The following AGBL4 variants were observed in gnomAD, a reference collection of about 807,000 sequenced individuals.
AGBL4 encodes cytosolic carboxypeptidase 6.
In AGBL4, 58 loss-of-function variants were observed where a neutral mutation model predicts 66.4. The observed-to-expected ratio is 0.87, with a 90% CI of 0.71 to 1.09. AGBL4 has a LOEUF of 1.09. AGBL4 is among the 50% of genes least tolerant of loss of function. The pLI is 0.00. For missense variants in AGBL4, 579 were observed against 631.0 expected (o/e 0.92, Z 0.88); for synonymous variants, 234 against 222.9 (o/e 1.05, Z -0.44).
chr1:49,469,350 G>C (rs1406700887), intron 3 of AGBL4, among the ~76,000 whole-genome samples: 1 of 151,466 alleles, frequency 6.6e-6, no homozygotes, highest in Non-Finnish European at 1.5e-5. Flanking sequence ...CAACATTTGG[G>C]ATTATGGTGT....
intron 5 of AGBL4, among the ~76,000 whole-genome samples, chr1:48,936,261 T>C (rs1655468169): frequency 6.6e-6 from 1 of 152,142 alleles, no homozygotes; most frequent in African/African-American, 2.4e-5. Flanking sequence ...ATATCCTGAC[T>C]ATGAAGAAAA....
intron 2 of AGBL4, among the ~76,000 whole-genome samples, chr1:49,801,074 T>C (rs1644849594): frequency 6.6e-6 from 1 of 152,134 alleles, no homozygotes; most frequent in African/African-American, 2.4e-5. Context: ...GGTGTGACAT[T>C]TATGCAGCCA....
chr1:48,920,676 A>G (rs781771107), intron 5 of AGBL4, among the ~76,000 whole-genome samples: 2 of 152,158 alleles, frequency 1.3e-5, no homozygotes, highest in Non-Finnish European at 2.9e-5. Context: ...GGTCACGTAG[A>G]CCTGCCTGAC....
At chr1:49,174,175 A>T (rs940923040) in intron 4 of AGBL4, among the ~76,000 whole-genome samples, 43 of 152,184 alleles carry the variant, frequency 2.8e-4, no homozygotes, top group African/African-American at 1.0e-3. Context: ...TAATTTTTTT[A>T]AAGTTGAAAC....
intron 6 of AGBL4, among the ~76,000 whole-genome samples, chr1:48,665,002 G>A (rs1464704918): frequency 6.6e-6 from 1 of 152,164 alleles, no homozygotes; most frequent in African/African-American, 2.4e-5. Flanking sequence ...TCTGAACGTG[G>A]TTCTTTATCC....
At chr1:49,905,445 AGTCAAAC>A (rs1392449477) in intron 1 of AGBL4, among the ~76,000 whole-genome samples, 2 of 152,332 alleles carry the variant, frequency 1.3e-5, no homozygotes, top group Non-Finnish European at 2.9e-5. Flanking sequence ...ACATGAAGCA[AGTCAAAC>A]CCTTCCCTTG....
chr1:48,759,298 C>T (rs531139897), intron 6 of AGBL4: 31 of 1,550,140 alleles, frequency 2.0e-5, no homozygotes, highest in Middle Eastern at 1.7e-4. Context: ...TGTAGGACAA[C>T]GAGAATCAGT....
At chr1:49,584,853 A>G (rs1404420548) in intron 3 of AGBL4, among the ~76,000 whole-genome samples, 3 of 152,150 alleles carry the variant, frequency 2.0e-5, no homozygotes, top group Non-Finnish European at 1.5e-5. Flanking sequence ...TGTTATTTCT[A>G]TTCCAAATAT....
At chr1:48,583,592 G>T (rs1644771317) in intron 11 of AGBL4, among the ~76,000 whole-genome samples, 1 of 152,130 alleles carries the variant, frequency 6.6e-6, no homozygotes, top group African/African-American at 2.4e-5. Context: ...AAGTGTGAAG[G>T]TCCTTGGTCC....
At chr1:49,182,695 CA>C (rs1174047287) in intron 4 of AGBL4, among the ~76,000 whole-genome samples, 1 of 149,508 alleles carries the variant, frequency 6.7e-6, no homozygotes, top group Non-Finnish European at 1.5e-5. Context: ...TTTTTTTTTT[CA>C]TCATCCAGTC....
chr1:48,947,544 TC>T (rs1656616397), intron 5 of AGBL4, among the ~76,000 whole-genome samples: 1 of 152,194 alleles, frequency 6.6e-6, no homozygotes, highest in Non-Finnish European at 1.5e-5. Context: ...TGTTCCATCC[TC>T]TCCTGTTTTT....
At chr1:48,557,321 T>C (rs895212208) in intron 11 of AGBL4, among the ~76,000 whole-genome samples, 9 of 152,102 alleles carry the variant, frequency 5.9e-5, no homozygotes, top group Non-Finnish European at 8.8e-5. Context: ...AGAGGAGAAA[T>C]GGAGGTCATT....
chr1:48,558,334 ATTTGTCTTGC>A (rs1644351261), intron 11 of AGBL4, among the ~76,000 whole-genome samples: 1 of 152,192 alleles, frequency 6.6e-6, no homozygotes, highest in Non-Finnish European at 1.5e-5. Context: ...AAAAGTGGAC[ATTTGTCTTGC>A]TTTGTCTTGT....
chr1:49,511,743 T>G lies in AGBL4; in HGVS notation c.282+185570A>C, dbSNP rs191214998. On this transcript the variant is annotated intron_variant, in intron 3 of 13. Transcript: ENST00000371839. ...GGAGAAAATACCAAGTCAGAAGACTTGGATTCCAATCACAAACCTGCTACT... is the reference window on the plus strand; with the variant it reads ...GGAGAAAATACCAAGTCAGAAGACTGGGATTCCAATCACAAACCTGCTACT... Among the ~76,000 whole-genome samples, 515 of 151,926 alleles carry G rather than the reference T, an allele frequency of 3.4e-3. 1 individual carries two copies. Among genetic ancestry groups the G allele is most frequent in the African/African-American group, 0.012 (485 of 41,490 alleles).
chr1:49,085,661 C>A (rs1039553851), intron 4 of AGBL4, among the ~76,000 whole-genome samples: 4 of 151,762 alleles, frequency 2.6e-5, no homozygotes, highest in African/African-American at 9.7e-5. Context: ...CAGAGAATAG[C>A]GAATCTGGTT....
intron 2 of AGBL4, among the ~76,000 whole-genome samples, chr1:49,837,213 C>G (rs1645874390): frequency 6.6e-6 from 1 of 152,164 alleles, no homozygotes. Context: ...ATCTATAAGC[C>G]CCTGACTGGG....
chr1:48,557,841 G>A (rs1644343493), intron 11 of AGBL4, among the ~76,000 whole-genome samples: 1 of 152,118 alleles, frequency 6.6e-6, no homozygotes, highest in African/African-American at 2.4e-5. Context: ...CACAGCTCAG[G>A]AGCCACCAGA....
chr1:48,577,151 G>GA (rs1438230319), intron 11 of AGBL4, among the ~76,000 whole-genome samples: 1 of 152,196 alleles, frequency 6.6e-6, no homozygotes, highest in Non-Finnish European at 1.5e-5. Flanking sequence ...GCCTAAACCT[G>GA]AAACTGGTTG....
intron 5 of AGBL4, among the ~76,000 whole-genome samples, chr1:49,040,978 G>C (rs1643925452): frequency 6.6e-6 from 1 of 152,162 alleles, no homozygotes; most frequent in South Asian, 2.1e-4. Context: ...TCTTTCTCAT[G>C]ATGTCCTTAT....
Sources: gnomAD v4.1 joint callset for allele counts (sites outside exome capture counted in the v4.1 genomes callset) on GRCh38, gnomAD v4.1.1 for gene constraint, MANE v1.5 for transcripts, NCBI Gene and HGNC (gene_info 2026-07-23, HGNC 2026-07-21) for gene names.